The following FRMD4A variants were observed in gnomAD, a reference collection of about 807,000 sequenced individuals.
The protein encoded by FRMD4A is FERM domain containing 4A.
In FRMD4A, 29 loss-of-function variants were observed where a neutral mutation model predicts 129.1. That is an observed-to-expected ratio of 0.22 (90% CI 0.17 to 0.31). FRMD4A has a LOEUF of 0.31. Ranked by LOEUF, FRMD4A falls within the 10% of genes least tolerant of loss-of-function variation. FRMD4A has a pLI of 1.00. For missense variants in FRMD4A, 1,272 were observed against 1,375.8 expected (o/e 0.92, Z 1.19); for synonymous variants, 634 against 571.6 (o/e 1.11, Z -1.56).
Position 13,746,742 on chromosome 10 carries a change from G to C in FRMD4A, c.548+994C>G, listed in dbSNP as rs142471946. On this transcript the variant is annotated intron_variant, in intron 9 of 24. Transcript: ENST00000357447. Reference sequence around the variant, plus strand: ...GGAGTTGCAATGATTTCTGTTAGGGGATCAGAAGGAACATCAGAGAAGAGG... The same window carrying C: ...GGAGTTGCAATGATTTCTGTTAGGGCATCAGAAGGAACATCAGAGAAGAGG... Among the ~76,000 whole-genome samples the C allele has an allele frequency of 3.2e-3, 487 of 152,302 alleles. 3 individuals are homozygous for C. Among genetic ancestry groups the C allele is most frequent in the African/African-American group, 0.011 (461 of 41,568 alleles).
intron 12 of FRMD4A, among the ~76,000 whole-genome samples, chr10:13,714,635 C>G (rs996681256): frequency 6.6e-6 from 1 of 152,044 alleles, no homozygotes; most frequent in Non-Finnish European, 1.5e-5. Context: ...CTTGGGAAGA[C>G]AAGACATACA....
chr10:14,234,268 T>C (rs75613183), intron 2 of FRMD4A, among the ~76,000 whole-genome samples: 11,960 of 152,156 alleles, frequency 0.079, 589 homozygotes, highest in Non-Finnish European at 0.11. Flanking sequence ...ACTGCAACCC[T>C]ATGTTTCTGG....
chr10:14,196,053 A>G (rs1171814133), intron 2 of FRMD4A, among the ~76,000 whole-genome samples: 1 of 152,176 alleles, frequency 6.6e-6, no homozygotes, highest in East Asian at 1.9e-4. Context: ...AAGTCAATTA[A>G]AATGGACAGA....
chr10:14,176,078 C>T (rs942689754), intron 2 of FRMD4A, among the ~76,000 whole-genome samples: 11 of 152,142 alleles, frequency 7.2e-5, no homozygotes, highest in Non-Finnish European at 1.3e-4. Flanking sequence ...TTAGGGATCC[C>T]TAATATTTTC....
chr10:14,088,473 A>T (rs982709224), intron 2 of FRMD4A, among the ~76,000 whole-genome samples: 1 of 151,478 alleles, frequency 6.6e-6, no homozygotes, highest in African/African-American at 2.4e-5. Flanking sequence ...AGGAACGACG[A>T]ATCAGGCCAG....
chr10:13,922,948 G>A (rs1264697331), intron 2 of FRMD4A, among the ~76,000 whole-genome samples: 1 of 152,184 alleles, frequency 6.6e-6, no homozygotes, highest in Non-Finnish European at 1.5e-5. Flanking sequence ...ATAAGCAACT[G>A]TGAGTAGTTC....
chr10:13,807,260 G>GTAAAAA (rs2093371551), intron 4 of FRMD4A, among the ~76,000 whole-genome samples: 1 of 152,208 alleles, frequency 6.6e-6, no homozygotes, highest in African/African-American at 2.4e-5. Flanking sequence ...GACAGAGTTA[G>GTAAAAA]TAAAAATAAA....
At chr10:13,920,654 G>C (rs1031452505) in intron 2 of FRMD4A, among the ~76,000 whole-genome samples, 1 of 152,142 alleles carries the variant, frequency 6.6e-6, no homozygotes, top group African/African-American at 2.4e-5. Context: ...TGTCATTACT[G>C]CGGTGTCAGA....
intron 2 of FRMD4A, among the ~76,000 whole-genome samples, chr10:13,926,543 C>T (rs2095135540): frequency 6.6e-6 from 1 of 152,222 alleles, no homozygotes; most frequent in South Asian, 2.1e-4. Context: ...TAGAGATTTA[C>T]TTGCAGGCTT....
intron 2 of FRMD4A, among the ~76,000 whole-genome samples, chr10:14,071,667 T>C (rs1835325206): frequency 6.6e-6 from 1 of 151,912 alleles, no homozygotes; most frequent in Admixed American, 6.6e-5. Flanking sequence ...TTAAACTCAG[T>C]TTTTAGGAGG....
rs78644085 is a variant in FRMD4A at position 14,306,761 on chromosome 10, T to C, written c.45+23297A>G. On this transcript the variant is annotated intron_variant, in intron 2 of 24. Coordinates refer to ENST00000357447, the MANE Select transcript of FRMD4A (RefSeq NM_018027.5). The stretch of plus-strand genomic sequence containing the variant: ...GGTTTCTCTGTTTAAGGGGTAATGG[T>C]TGAAAATTTTATTTTAAATATCTCC... Among the ~76,000 whole-genome samples the C allele has an allele frequency of 8.9e-3, 1,352 of 152,316 alleles. 22 individuals are homozygous for C. The highest frequency in any genetic ancestry group is 0.031 in the African/African-American group (1,295 of 41,560).
At chr10:13,934,742 G>A (rs7093834) in intron 2 of FRMD4A, among the ~76,000 whole-genome samples, 30,224 of 152,132 alleles carry the variant, frequency 0.2, 3,411 homozygotes, top group Non-Finnish European at 0.25. Context: ...AGATAAACTA[G>A]AAATGGAACA....
intron 2 of FRMD4A, among the ~76,000 whole-genome samples, chr10:14,264,022 C>G (rs1329061006): frequency 2.0e-5 from 3 of 152,318 alleles, no homozygotes; most frequent in Non-Finnish European, 4.4e-5. Context: ...TTACATGTCT[C>G]CTTGCTAAGA....
intron 2 of FRMD4A, among the ~76,000 whole-genome samples, chr10:13,906,471 T>A (rs934237619): frequency 6.6e-6 from 1 of 152,192 alleles, no homozygotes; most frequent in African/African-American, 2.4e-5. Flanking sequence ...GCTATGAGGG[T>A]TGCATTGTGT....
chr10:13,836,762 T>TA (rs1415963036), intron 3 of FRMD4A, among the ~76,000 whole-genome samples: 4 of 146,074 alleles, frequency 2.7e-5, no homozygotes, highest in Non-Finnish European at 6.0e-5. Flanking sequence ...GTTCTTTTTT[T>TA]TTTTTTTTTT....
At chr10:13,948,943 C>A (rs1205505971) in intron 2 of FRMD4A, among the ~76,000 whole-genome samples, 1 of 151,080 alleles carries the variant, frequency 6.6e-6, no homozygotes, top group Admixed American at 6.6e-5. Flanking sequence ...AGCCACTGCG[C>A]CCAGCCGAGA....
chr10:14,043,780 T>A (rs1457765512), intron 2 of FRMD4A, among the ~76,000 whole-genome samples: 1 of 152,192 alleles, frequency 6.6e-6, no homozygotes, highest in African/African-American at 2.4e-5. Context: ...CTTACCTAGG[T>A]TAGTGGTACC....
At chr10:14,101,570 G>C (rs1258771865) in intron 2 of FRMD4A, among the ~76,000 whole-genome samples, 4 of 152,140 alleles carry the variant, frequency 2.6e-5, no homozygotes, top group Non-Finnish European at 5.9e-5. Context: ...TAGGGATATA[G>C]CACATCAGAT....
At chr10:13,696,569 C>A (rs2086241559) in intron 14 of FRMD4A, among the ~76,000 whole-genome samples, 1 of 152,196 alleles carries the variant, frequency 6.6e-6, no homozygotes, top group Non-Finnish European at 1.5e-5. Context: ...CATGGCAAAA[C>A]CCTGTCTCTA....
Sources: gnomAD v4.1 joint callset for allele counts (sites outside exome capture counted in the v4.1 genomes callset) on GRCh38, gnomAD v4.1.1 for gene constraint, MANE v1.5 for transcripts, NCBI Gene and HGNC (gene_info 2026-07-23, HGNC 2026-07-21) for gene names.